Variants in NAA35 observed in about 807,000 individuals in gnomAD.
The protein encoded by NAA35 is MAK10 homolog, amino-acid N-acetyltransferase subunit.
NAA35 carries 18 observed loss-of-function variants against 101.7 expected under a neutral mutation model. The ratio of observed to expected loss-of-function variants is 0.18; its 90% CI spans 0.12 to 0.26. The LOEUF (loss-of-function observed/expected upper bound fraction) is 0.26, where lower values mean the gene tolerates loss of function less well. Ranked by LOEUF, NAA35 falls within the 10% of genes least tolerant of loss-of-function variation. The pLI, the probability that NAA35 is intolerant of heterozygous loss-of-function variation, is 1.00. For synonymous variants in NAA35, 267 were observed against 273.1 expected, an observed-to-expected ratio of 0.98 and a Z score of 0.22; for missense variants, 601 against 886.8, an observed-to-expected ratio of 0.68 and a Z score of 4.09.
At chr9:85,955,878 A>G (rs1191275670) in intron 2 of NAA35, among the ~76,000 whole-genome samples, 1 of 152,144 alleles carries the variant, frequency 6.6e-6, no homozygotes, top group African/African-American at 2.4e-5. Flanking sequence ...GGGATTGAAC[A>G]CTGTTTTGAT....
intron 19 of NAA35, 75 bp from the exon 20 acceptor site, chr9:86,018,180 T>C: frequency 7.4e-7 from 1 of 1,348,234 alleles, no homozygotes; most frequent in Non-Finnish European, 1.0e-6. Flanking sequence ...GTTTCTTGTC[T>C]TCCATTCTGT....
intron 2 of NAA35, among the ~76,000 whole-genome samples, chr9:85,953,649 G>A (rs566508968): frequency 2.0e-5 from 3 of 151,704 alleles, no homozygotes; most frequent in Non-Finnish European, 4.4e-5. Flanking sequence ...GGCTGGTCTT[G>A]AACTCCTGAC....
intron 6 of NAA35, among the ~76,000 whole-genome samples, chr9:85,971,323 G>A (rs1256156451): frequency 1.3e-5 from 2 of 152,006 alleles, no homozygotes; most frequent in African/African-American, 4.8e-5. Context: ...TGTGAGCATC[G>A]TTAGACCCGG....
chr9:86,018,904 AAG>A, intron 21 of NAA35, 83 bp downstream of exon 21: 1 of 1,524,448 alleles, frequency 6.6e-7, no homozygotes, highest in Non-Finnish European at 8.9e-7. Flanking sequence ...TTAATTATGA[AAG>A]TGAACTTTAA....
chr9:85,951,955 G>T (rs557923851), intron 2 of NAA35, among the ~76,000 whole-genome samples: 1 of 152,154 alleles, frequency 6.6e-6, no homozygotes, highest in Non-Finnish European at 1.5e-5. Context: ...GAGCCACTGC[G>T]CCTGGCTAGA....
chr9:85,960,782 G>C (rs894288441), intron 5 of NAA35, among the ~76,000 whole-genome samples: 1 of 152,158 alleles, frequency 6.6e-6, no homozygotes, highest in Admixed American at 6.5e-5. Flanking sequence ...TGACGGTGCC[G>C]TGGGAACAGA....
At chr9:85,988,648 A>C (rs1587623735) in intron 11 of NAA35, among the ~76,000 whole-genome samples, 3 of 152,236 alleles carry the variant, frequency 2.0e-5, no homozygotes, top group Admixed American at 2.0e-4. Context: ...TAAAAATACA[A>C]AATTAGCTGT....
At chr9:85,942,823 T>TG (rs1475761647) in intron 2 of NAA35, among the ~76,000 whole-genome samples, 1 of 152,210 alleles carries the variant, frequency 6.6e-6, no homozygotes, top group African/African-American at 2.4e-5. Flanking sequence ...TTCTCCCAGG[T>TG]GTTTGCATTT....
intron 2 of NAA35, among the ~76,000 whole-genome samples, chr9:85,953,576 C>G (rs779170614): frequency 5.9e-5 from 9 of 152,134 alleles, no homozygotes; most frequent in South Asian, 2.1e-4. Context: ...CAGGCACCCA[C>G]CACCATGCCT....
In NAA35 at chr9:85,997,396, C is replaced by T. The variant is rs138551474; in HGVS notation, c.1056+819C>T. Among the ~76,000 whole-genome samples the T allele has an allele frequency of 4.5e-3, 674 of 151,154 alleles. 7 individuals carry two copies. The highest frequency in any genetic ancestry group is 0.016 in the African/African-American group (646 of 41,098). ...TCCCTCTGTTGCCCAGGCTGGAGTG[C>T]AGTGGTGTGATCTTAGCTCCCTGCA... On this transcript the variant is annotated intron_variant, in intron 12 of 22. Transcript: ENST00000361671.
intron 4 of NAA35, among the ~76,000 whole-genome samples, chr9:85,958,892 T>TTAATAAATAAAAGTAAATAAAATAA (rs1829388496): frequency 6.6e-6 from 1 of 152,186 alleles, no homozygotes; most frequent in Admixed American, 6.6e-5. Context: ...TATATTCATA[T>TTAATAAATAAAAGTAAATAAAATAA]ATAAAAGTAA....
intron 12 of NAA35, among the ~76,000 whole-genome samples, chr9:85,998,104 C>T (rs139797160): frequency 1.7e-3 from 256 of 152,122 alleles, no homozygotes; most frequent in African/African-American, 5.8e-3. Context: ...TTAGTAGAAA[C>T]GGGGTTTCAT....
chr9:85,972,243 C>T lies in NAA35; in HGVS notation c.517-2724C>T, dbSNP rs112425557. ...AGAGGAAGCTGGATGTGGTGGCTCA[C>T]ACCTGTAATCCCAGCACTTTGGGAG... On this transcript the variant is annotated intron_variant, in intron 6 of 22. Transcript: ENST00000361671. 8.3e-3 allele frequency among the ~76,000 whole-genome samples: 1,263 copies of T among 152,104 alleles called. 24 individuals carry two copies. Among genetic ancestry groups the T allele is most frequent in the African/African-American group, 0.029 (1,218 of 41,488 alleles).
intron 4 of NAA35, among the ~76,000 whole-genome samples, chr9:85,959,326 A>C (rs748124261): frequency 1.4e-4 from 21 of 150,938 alleles, no homozygotes; most frequent in Non-Finnish European, 5.9e-5. Context: ...CATTGAGCCG[A>C]GATCACGCCA....
At chr9:85,966,712 C>A in intron 6 of NAA35, 2 of 999,618 alleles carry the variant, frequency 2.0e-6, no homozygotes, top group South Asian at 1.5e-5. Context: ...TATACATTAG[C>A]ACAGCTGTCT....
intron 2 of NAA35, among the ~76,000 whole-genome samples, chr9:85,946,833 T>C (rs1828786645): frequency 6.6e-6 from 1 of 152,160 alleles, no homozygotes; most frequent in African/African-American, 2.4e-5. Flanking sequence ...ATTAGCACCA[T>C]TGGTTAAGGC....
rs1293468730 is a variant in NAA35, at chr9:86,025,145, C to T, written c.*3185C>T. 1.3e-5 allele frequency among the ~76,000 whole-genome samples: 2 copies of T among 152,148 alleles called. No homozygotes were observed. The highest frequency in any genetic ancestry group is 2.9e-5 in the Non-Finnish European group (2 of 68,024). On this transcript the variant is annotated 3_prime_UTR_variant, in exon 23 of 23. Coordinates refer to ENST00000361671, the MANE Select transcript of NAA35 (RefSeq NM_024635.4). Reference sequence around the variant, plus strand: ...AAGTTCAGGAGAGGTGGGTGTTTTCCTTGTTCCTCTTTGGCTATGCTCTGG... The same window carrying T: ...AAGTTCAGGAGAGGTGGGTGTTTTCTTTGTTCCTCTTTGGCTATGCTCTGG...
rs146931517 is a variant in NAA35 at position 86,018,402 on chromosome 9, C to T, written c.1914+7C>T. 3.5e-5 allele frequency: 56 copies of T among 1,604,192 alleles called. No individual in the cohort carries two copies. In the African/African-American group the frequency reaches 5.2e-4, roughly 15 times the overall value. Reference sequence around the variant, plus strand: ...GCACTACTTACAGTTCAAGGTGAACCTGCTCAATGAACTTGTTATGAAATC... The same window carrying T: ...GCACTACTTACAGTTCAAGGTGAACTTGCTCAATGAACTTGTTATGAAATC... On this transcript the variant is annotated splice_region_variant and intron_variant, in intron 20 of 22. Coordinates refer to ENST00000361671, the MANE Select transcript of NAA35 (RefSeq NM_024635.4).
chr9:85,964,487 T>C (rs1015177294), intron 6 of NAA35, among the ~76,000 whole-genome samples: 3 of 151,134 alleles, frequency 2.0e-5, no homozygotes, highest in Non-Finnish European at 2.9e-5. Flanking sequence ...TTTTTGTTAA[T>C]TGACCCAATC....
Sources: gnomAD v4.1 joint callset for allele counts (sites outside exome capture counted in the v4.1 genomes callset) on GRCh38, gnomAD v4.1.1 for gene constraint, MANE v1.5 for transcripts, NCBI Gene and HGNC (gene_info 2026-07-23, HGNC 2026-07-21) for gene names.